The following FGF14 variants were observed in gnomAD, a reference collection of about 807,000 sequenced individuals.
FGF14 encodes fibroblast growth factor 14, also known as fibroblast growth factor homologous factor 4.
FGF14 carries 5 observed loss-of-function variants against 25.5 expected under a neutral mutation model. The observed-to-expected ratio is 0.20, with a 90% CI of 0.10 to 0.41. The LOEUF is 0.41. Ranked by LOEUF, FGF14 falls within the 10% of genes least tolerant of loss-of-function variation. The probability of loss-of-function intolerance (pLI) is 1.00; values close to 1 mark genes in which losing one functional copy is unlikely to be tolerated. For synonymous variants in FGF14, 138 were observed against 118.3 expected, an observed-to-expected ratio of 1.17 and a Z score of -1.08; for missense variants, 222 against 320.1, an observed-to-expected ratio of 0.69 and a Z score of 2.34.
chr13:102,186,277 T>C (rs2048870934), intron 1 of FGF14, among the ~76,000 whole-genome samples: 1 of 152,178 alleles, frequency 6.6e-6, no homozygotes, highest in Non-Finnish European at 1.5e-5. Flanking sequence ...TTAGAACTTA[T>C]ATGTACTTCG....
rs569969166 is a variant in FGF14 at position 102,198,361 on chromosome 13, C to T, written c.208+203110G>A. Among the ~76,000 whole-genome samples, 4 of 152,314 alleles carry T rather than the reference C, an allele frequency of 2.6e-5. No individual in the cohort carries two copies. The South Asian group carries it at 6.2e-4, about 24-fold the overall frequency. On this transcript the variant is annotated intron_variant, in intron 1 of 4. Coordinates refer to the FGF14 transcript ENST00000376131. ...GAATTCTCAGACAAATGAATGCACA[C>T]CAGTGCCAAATATAACACATTAATT...
At chr13:102,087,444 C>G (rs2140229032) in intron 1 of FGF14, among the ~76,000 whole-genome samples, 1 of 99,904 alleles carries the variant, frequency 1.0e-5, no homozygotes, top group South Asian at 3.4e-4. Context: ...CAGATTCTTG[C>G]TCTGTCACCC....
intron 1 of FGF14, among the ~76,000 whole-genome samples, chr13:102,133,841 A>G (rs2046301698): frequency 6.6e-6 from 1 of 152,170 alleles, no homozygotes; most frequent in Non-Finnish European, 1.5e-5. Flanking sequence ...ATGAGCACCA[A>G]AAGTCTGGTC....
intron 3 of FGF14, among the ~76,000 whole-genome samples, chr13:101,787,571 T>G (rs1331482731): frequency 1.3e-5 from 2 of 152,146 alleles, no homozygotes; most frequent in Non-Finnish European, 2.9e-5. Context: ...CCCTACATGG[T>G]TCTCAGGAGA....
chr13:101,919,190 A>G (rs553016795), upstream of FGF14, among the ~76,000 whole-genome samples: 1 of 152,308 alleles, frequency 6.6e-6, no homozygotes, highest in South Asian at 2.1e-4. Context: ...CTGAACATTA[A>G]GAGTCACTAC....
At position 102,165,421 on chromosome 13, in the gene FGF14, T is replaced by C. The variant is rs191615566; in HGVS notation, c.208+236050A>G. ...CAAAGACGTGGAACCAACCCAAATG[T>C]CCAACAATTATAGACTGGGTTAAGA... On this transcript the variant is annotated intron_variant, in intron 1 of 4. Coordinates refer to the FGF14 transcript ENST00000376131. Among the ~76,000 whole-genome samples, 47 of 151,964 alleles carry C rather than the reference T, an allele frequency of 3.1e-4. 1 individual carries two copies. In the East Asian group the frequency reaches 8.9e-3, roughly 29 times the overall value.
intron 1 of FGF14, among the ~76,000 whole-genome samples, chr13:102,096,086 T>A (rs2044386529): frequency 6.6e-6 from 1 of 151,374 alleles, no homozygotes; most frequent in South Asian, 2.1e-4. Context: ...AGAGTTGGGA[T>A]ACATTGCCTT....
intron 1 of FGF14, among the ~76,000 whole-genome samples, chr13:102,385,972 T>C (rs543989418): frequency 3.9e-5 from 6 of 152,244 alleles, no homozygotes; most frequent in East Asian, 3.9e-4. Context: ...GAAATAAATA[T>C]GATGTGTTTT....
intron 1 of FGF14, among the ~76,000 whole-genome samples, chr13:101,927,028 G>A (rs945914562): frequency 6.6e-6 from 1 of 152,114 alleles, no homozygotes; most frequent in African/African-American, 2.4e-5. Flanking sequence ...AAATAAACAA[G>A]TTTTAGAGCC....
intron 1 of FGF14, among the ~76,000 whole-genome samples, chr13:102,175,233 G>C (rs1204057527): frequency 6.6e-6 from 1 of 152,108 alleles, no homozygotes; most frequent in Non-Finnish European, 1.5e-5. Flanking sequence ...CATGGTACTG[G>C]TACAAAATAG....
chr13:102,178,078 T>C (rs969108727), intron 1 of FGF14, among the ~76,000 whole-genome samples: 8 of 151,904 alleles, frequency 5.3e-5, no homozygotes, highest in African/African-American at 1.9e-4. Context: ...AGCACAAACA[T>C]AGCACTAACG....
chr13:101,898,341 A>AAC (rs55676818), intron 1 of FGF14, among the ~76,000 whole-genome samples: 7,170 of 144,290 alleles, frequency 0.05, 244 homozygotes, highest in East Asian at 0.2. Flanking sequence ...TGAAACATAC[A>AAC]ACACACACAC....
chr13:101,890,342 G>GAA (rs1359027050), intron 1 of FGF14, among the ~76,000 whole-genome samples: 1 of 147,222 alleles, frequency 6.8e-6, no homozygotes, highest in Non-Finnish European at 1.5e-5. Context: ...TGTCTTACCT[G>GAA]AAAAAAAAAA....
At chr13:102,138,099 G>A (rs1462960304) in intron 1 of FGF14, among the ~76,000 whole-genome samples, 2 of 150,812 alleles carry the variant, frequency 1.3e-5, no homozygotes, top group Admixed American at 6.6e-5. Flanking sequence ...GTTTTATCTC[G>A]GGACTCATCC....
chr13:102,248,956 G>A lies in FGF14; in HGVS notation c.208+152515C>T, dbSNP rs78085664. On this transcript the variant is annotated intron_variant, in intron 1 of 4. Coordinates refer to the FGF14 transcript ENST00000376131. ...AAATTTCAAGTCTAGATGGTCAAGA[G>A]AATAACAGTGCCATTGATAGACTAA... Among the ~76,000 whole-genome samples the A allele has an allele frequency of 3.3e-3, 505 of 152,184 alleles. 6 individuals carry two copies. The highest frequency in any genetic ancestry group is 0.012 in the African/African-American group (491 of 41,540).
chr13:102,319,783 C>G (rs1369646640), intron 1 of FGF14, among the ~76,000 whole-genome samples: 1 of 152,148 alleles, frequency 6.6e-6, no homozygotes, highest in Non-Finnish European at 1.5e-5. Context: ...CACCTGGGCA[C>G]TAGCTAAGGA....
intron 1 of FGF14, among the ~76,000 whole-genome samples, chr13:101,875,686 G>C (rs557739075): frequency 6.6e-6 from 1 of 152,064 alleles, no homozygotes; most frequent in East Asian, 1.9e-4. Flanking sequence ...TTATTAAAAG[G>C]TTTTTTAATG....
At chr13:102,342,492 C>T (rs1256597135) in intron 1 of FGF14, among the ~76,000 whole-genome samples, 2 of 152,108 alleles carry the variant, frequency 1.3e-5, no homozygotes, top group Non-Finnish European at 2.9e-5. Context: ...AACCTACATT[C>T]CAGTGATGGT....
intron 1 of FGF14, among the ~76,000 whole-genome samples, chr13:102,101,288 C>G (rs184458132): frequency 6.6e-6 from 1 of 152,108 alleles, no homozygotes; most frequent in East Asian, 1.9e-4. Flanking sequence ...TATTTGGGAA[C>G]ATTATGAAAT....
Sources: allele counts gnomAD v4.1 joint callset (sites outside exome capture counted in the v4.1 genomes callset), GRCh38; gene constraint gnomAD v4.1.1; transcripts MANE v1.5; gene names NCBI Gene and HGNC (gene_info 2026-07-23, HGNC 2026-07-21).